The following ANKRD6 variants were observed in gnomAD, a reference collection of about 807,000 sequenced individuals.
The protein encoded by ANKRD6 is ankyrin repeat domain 6, also known as ankyrin repeat domain-containing protein 6.
In ANKRD6, 56 loss-of-function variants were observed where a neutral mutation model predicts 82.3. The observed-to-expected ratio is 0.68, with a 90% confidence interval of 0.55 to 0.85. The LOEUF is 0.85. Among genes scored for constraint, ANKRD6 ranks in the 40% least tolerant of loss-of-function variants. The pLI, the probability that ANKRD6 is intolerant of heterozygous loss-of-function variation, is 0.00. For missense variants in ANKRD6, 852 were observed against 907.6 expected (o/e 0.94, Z 0.79); for synonymous variants, 347 against 352.1 (o/e 0.99, Z 0.16).
At position 89,630,969 on chromosome 6, in the gene ANKRD6, GC is replaced by G; in HGVS notation, c.2151del (p.Lys718AsnfsTer2). 1 of 1,580,332 alleles carries G rather than the reference GC, an allele frequency of 6.3e-7. No homozygotes were observed. The highest frequency in any genetic ancestry group is 8.6e-7 in the Non-Finnish European group (1 of 1,164,036). ...EHIKSLEEEL[A>X]KLRTRVQKEN ...CATTAAAAGTTTAGAAGAGGAACTT[GC>G]CAAACTAAGGACTAGGGTGCAGAAG... On this transcript the variant is annotated frameshift_variant, in exon 16 of 16. Coordinates refer to ENST00000339746, the MANE Select transcript of ANKRD6 (RefSeq NM_001242809.2). LOFTEE classifies it high-confidence loss of function.
At chr6:89,470,375 T>C (rs1376587071) in intron 1 of ANKRD6, among the ~76,000 whole-genome samples, 1 of 152,206 alleles carries the variant, frequency 6.6e-6, no homozygotes, top group Non-Finnish European at 1.5e-5. Context: ...TCCCACCACT[T>C]TACTAGACCG....
At chr6:89,485,095 C>T (rs1202698855) in intron 1 of ANKRD6, among the ~76,000 whole-genome samples, 1 of 152,184 alleles carries the variant, frequency 6.6e-6, no homozygotes, top group East Asian at 1.9e-4. Flanking sequence ...CAGACTGTCT[C>T]ACCCAGCCCA....
At chr6:89,522,291 G>A (rs1781981312) in intron 1 of ANKRD6, among the ~76,000 whole-genome samples, 1 of 152,200 alleles carries the variant, frequency 6.6e-6, no homozygotes, top group Non-Finnish European at 1.5e-5. Context: ...CCTGCTGTAG[G>A]GCAGGCAACT....
intron 1 of ANKRD6, among the ~76,000 whole-genome samples, chr6:89,435,887 G>A: frequency 6.6e-6 from 1 of 152,184 alleles, no homozygotes; most frequent in East Asian, 1.9e-4. Flanking sequence ...TGATATGTTT[G>A]TGTTATTGTC....
chr6:89,534,337 C>T (rs1783566346), intron 1 of ANKRD6, among the ~76,000 whole-genome samples: 1 of 151,982 alleles, frequency 6.6e-6, no homozygotes. Flanking sequence ...CTATAATTAC[C>T]CTGCGGTTGT....
In ANKRD6 at chr6:89,596,027, C is replaced by A; in HGVS notation, c.219+13C>A. Reference sequence around the variant, plus strand: ...TGTCCAGGATGATGTGAGTAGAAGCCATCATTCTATCAGGCTGAGTTGGCA... The same window carrying A: ...TGTCCAGGATGATGTGAGTAGAAGCAATCATTCTATCAGGCTGAGTTGGCA... On this transcript the variant is annotated intron_variant, in intron 3 of 15. Coordinates refer to ENST00000339746, the MANE Select transcript of ANKRD6 (RefSeq NM_001242809.2). 6.3e-7 allele frequency: 1 copy of A among 1,598,018 alleles called. No homozygotes were observed. The highest frequency in any genetic ancestry group is 1.3e-5 in the African/African-American group (1 of 74,826).
At chr6:89,558,170 C>G (rs543537105) in intron 1 of ANKRD6, among the ~76,000 whole-genome samples, 7 of 152,252 alleles carry the variant, frequency 4.6e-5, no homozygotes, top group African/African-American at 1.7e-4. Context: ...ACATTTCTTA[C>G]AAAGCTAAAC....
chr6:89,464,972 A>G (rs1192543653), intron 1 of ANKRD6, among the ~76,000 whole-genome samples: 4 of 152,200 alleles, frequency 2.6e-5, no homozygotes, highest in Non-Finnish European at 4.4e-5. Flanking sequence ...AAACAAAGAC[A>G]CAACCTGAAA....
intron 1 of ANKRD6, among the ~76,000 whole-genome samples, chr6:89,484,928 T>C (rs571576482): frequency 1.2e-4 from 18 of 152,306 alleles, no homozygotes; most frequent in Admixed American, 9.2e-4. Flanking sequence ...CTAGGTGGCC[T>C]TAGGTGAATG....
chr6:89,439,597 A>G (rs1252823399), intron 1 of ANKRD6, among the ~76,000 whole-genome samples: 1 of 152,218 alleles, frequency 6.6e-6, no homozygotes, highest in Non-Finnish European at 1.5e-5. Context: ...TAATTCTAGT[A>G]ATGCTTCAGC....
intron 1 of ANKRD6, among the ~76,000 whole-genome samples, chr6:89,552,833 G>A (rs1328014): frequency 1 from 152,231 of 152,318 alleles, 76,072 homozygotes; most frequent in Non-Finnish European, 1. Context: ...GCCATGAAGC[G>A]CATTCTATGG....
intron 7 of ANKRD6, among the ~76,000 whole-genome samples, chr6:89,615,706 C>T (rs550985715): frequency 6.6e-6 from 1 of 152,184 alleles, no homozygotes; most frequent in East Asian, 1.9e-4. Context: ...GTTCATGCTA[C>T]CCAGGAAAAA....
Position 89,630,789 on chromosome 6 carries a change from C to A in ANKRD6, c.1969C>A (p.His657Asn), listed in dbSNP as rs958945130. 11 of 1,613,838 alleles carry A rather than the reference C, an allele frequency of 6.8e-6. No homozygotes were observed. Among genetic ancestry groups the A allele is most frequent in the Middle Eastern group, 3.3e-4 (2 of 6,082 alleles). Residue 657 changes from histidine (H) to asparagine (N), a missense_variant, in exon 16 of 16, where the codon CAC becomes AAC. By Grantham distance (68) the His-to-Asn change is moderately conservative. Coordinates refer to ENST00000339746, the MANE Select transcript of ANKRD6 (RefSeq NM_001242809.2). Reference protein sequence around the residue: ...PATGSEQTGPHIRDTSQALEL... With the variant: ...PATGSEQTGPNIRDTSQALEL... ...CACAGGCAGCGAGCAGACTGGCCCT[C>A]ACATTCGGGACACCTCCCAAGCTCT...
chr6:89,490,685 T>C (rs1374686922), intron 1 of ANKRD6, among the ~76,000 whole-genome samples: 1 of 152,204 alleles, frequency 6.6e-6, no homozygotes, highest in African/African-American at 2.4e-5. Context: ...GCAGGCTGGC[T>C]GATTCAGCTG....
chr6:89,457,869 A>G (rs1254374347), intron 1 of ANKRD6, among the ~76,000 whole-genome samples: 3 of 152,220 alleles, frequency 2.0e-5, no homozygotes, highest in Admixed American at 6.5e-5. Flanking sequence ...GCGAATTCAT[A>G]TATTGAAACC....
chr6:89,477,750 G>A (rs1166701634), intron 1 of ANKRD6, among the ~76,000 whole-genome samples: 6 of 134,792 alleles, frequency 4.5e-5, no homozygotes, highest in South Asian at 4.7e-4. Flanking sequence ...CACCCTGGGC[G>A]ACAGAGCGAG....
intron 1 of ANKRD6, among the ~76,000 whole-genome samples, chr6:89,497,654 TTCTC>T (rs1229847043): frequency 2.0e-5 from 3 of 151,314 alleles, no homozygotes; most frequent in Admixed American, 6.6e-5. Context: ...ATATGTTTTT[TTCTC>T]TCTCTCTCTC....
chr6:89,492,958 C>T (rs529882348), intron 1 of ANKRD6, among the ~76,000 whole-genome samples: 69 of 152,246 alleles, frequency 4.5e-4, no homozygotes, highest in African/African-American at 1.6e-3. Flanking sequence ...TCCCCATGCC[C>T]CAAATTCCAC....
intron 1 of ANKRD6, among the ~76,000 whole-genome samples, chr6:89,553,845 GTACATA>G (rs139340181): frequency 8.9e-4 from 136 of 152,304 alleles, no homozygotes; most frequent in African/African-American, 3.1e-3. Flanking sequence ...ATATGTAGAA[GTACATA>G]TAAAGTGTAT....
Sources: allele counts gnomAD v4.1 joint callset (sites outside exome capture counted in the v4.1 genomes callset), GRCh38; gene constraint gnomAD v4.1.1; transcripts MANE v1.5; gene names NCBI Gene and HGNC (gene_info 2026-07-23, HGNC 2026-07-21).